The following HS6ST3 variants were observed in gnomAD, a reference collection of about 807,000 sequenced individuals.
The protein encoded by HS6ST3 is heparan-sulfate 6-O-sulfotransferase 3.
A neutral mutation model predicts 36.7 loss-of-function variants in HS6ST3; 12 were observed. The ratio of observed to expected loss-of-function variants is 0.33; its 90% CI spans 0.21 to 0.53. HS6ST3 has a LOEUF of 0.53. Among genes scored for constraint, HS6ST3 ranks in the 20% least tolerant of loss-of-function variants. HS6ST3 has a pLI of 0.95. For synonymous variants in HS6ST3, 240 were observed against 257.5 expected, an observed-to-expected ratio of 0.93 and a Z score of 0.65; for missense variants, 584 against 640.9, an observed-to-expected ratio of 0.91 and a Z score of 0.96.
chr13:96,498,281 A>G (rs1398433977), intron 1 of HS6ST3, among the ~76,000 whole-genome samples: 1 of 152,234 alleles, frequency 6.6e-6, no homozygotes, highest in Non-Finnish European at 1.5e-5. Context: ...AGGGAACTTC[A>G]GAAAACAACT....
intron 1 of HS6ST3, among the ~76,000 whole-genome samples, chr13:96,790,124 A>G (rs753537075): frequency 6.6e-6 from 1 of 151,900 alleles, no homozygotes; most frequent in Non-Finnish European, 1.5e-5. Context: ...CTTAGATTGC[A>G]TACTTATTAT....
At chr13:96,726,221 C>A (rs1328641031) in intron 1 of HS6ST3, among the ~76,000 whole-genome samples, 1 of 152,134 alleles carries the variant, frequency 6.6e-6, no homozygotes, top group African/African-American at 2.4e-5. Context: ...AGATCTATAG[C>A]ATTTCCATAT....
intron 1 of HS6ST3, among the ~76,000 whole-genome samples, chr13:96,162,499 G>A (rs747024816): frequency 1.3e-5 from 2 of 152,186 alleles, no homozygotes. Flanking sequence ...AAACATCCCT[G>A]TGGACATTTT....
chr13:96,825,926 A>G (rs1878636811), intron 1 of HS6ST3, among the ~76,000 whole-genome samples: 1 of 152,206 alleles, frequency 6.6e-6, no homozygotes, highest in Non-Finnish European at 1.5e-5. Context: ...CCTGTGCAGT[A>G]AGACTTGAGG....
chr13:96,528,775 C>G (rs992191461), intron 1 of HS6ST3, among the ~76,000 whole-genome samples: 2 of 152,168 alleles, frequency 1.3e-5, no homozygotes, highest in African/African-American at 2.4e-5. Flanking sequence ...ATATCCCTGA[C>G]TTTTCGAACA....
intron 1 of HS6ST3, among the ~76,000 whole-genome samples, chr13:96,335,175 G>A (rs1051552811): frequency 6.6e-6 from 1 of 152,128 alleles, no homozygotes; most frequent in Non-Finnish European, 1.5e-5. Context: ...GCCCATCAAA[G>A]TCCATCCCCA....
At chr13:96,196,984 T>G (rs1268054977) in intron 1 of HS6ST3, among the ~76,000 whole-genome samples, 2 of 152,234 alleles carry the variant, frequency 1.3e-5, no homozygotes, top group Admixed American at 1.3e-4. Context: ...TTTATATTTC[T>G]GGCTCTGCCA....
chr13:96,271,788 A>G (rs12869655), intron 1 of HS6ST3, among the ~76,000 whole-genome samples: 1 of 151,968 alleles, frequency 6.6e-6, no homozygotes. Context: ...TCTCCTTGCA[A>G]CTGCTGCCAG....
At chr13:96,497,903 C>T (rs1457109865) in intron 1 of HS6ST3, among the ~76,000 whole-genome samples, 2 of 152,078 alleles carry the variant, frequency 1.3e-5, no homozygotes, top group African/African-American at 4.8e-5. Flanking sequence ...AATCAAGGGA[C>T]AGAAAGCAGA....
chr13:96,831,972 A>AC (rs1878801894), intron 1 of HS6ST3, among the ~76,000 whole-genome samples: 1 of 148,156 alleles, frequency 6.7e-6, no homozygotes, highest in Non-Finnish European at 1.5e-5. Context: ...AAAAAAAAAA[A>AC]AAAAAAAACA....
chr13:96,200,254 A>G (rs549405109), intron 1 of HS6ST3, among the ~76,000 whole-genome samples: 12 of 152,136 alleles, frequency 7.9e-5, no homozygotes, highest in African/African-American at 2.6e-4. Context: ...GTAAAATCTC[A>G]TACCCTGCAA....
chr13:96,340,202 C>A (rs2055123207), intron 1 of HS6ST3, among the ~76,000 whole-genome samples: 1 of 152,184 alleles, frequency 6.6e-6, no homozygotes, highest in Non-Finnish European at 1.5e-5. Flanking sequence ...AACAACATGT[C>A]ACCCAGAGGT....
At chr13:96,590,073 T>C (rs2056376946) in intron 1 of HS6ST3, among the ~76,000 whole-genome samples, 1 of 152,154 alleles carries the variant, frequency 6.6e-6, no homozygotes, top group Non-Finnish European at 1.5e-5. Flanking sequence ...TTTTCTTTAC[T>C]CATTCATCTG....
chr13:96,207,686 G>A (rs2054377926), intron 1 of HS6ST3, among the ~76,000 whole-genome samples: 1 of 152,168 alleles, frequency 6.6e-6, no homozygotes, highest in Admixed American at 6.5e-5. Flanking sequence ...CAGGGACATG[G>A]ATGGAATTGG....
chr13:96,789,506 C>A (rs1168265587), intron 1 of HS6ST3, among the ~76,000 whole-genome samples: 3 of 151,896 alleles, frequency 2.0e-5, no homozygotes, highest in African/African-American at 7.2e-5. Context: ...TCTGCCATTT[C>A]TGTTGCTCTT....
At chr13:96,759,071 T>C (rs1265452462) in intron 1 of HS6ST3, among the ~76,000 whole-genome samples, 1 of 151,896 alleles carries the variant, frequency 6.6e-6, no homozygotes, top group Non-Finnish European at 1.5e-5. Context: ...TGACTCTATT[T>C]CTTGTCTTGG....
At chr13:96,443,495 A>C (rs1179420164) in intron 1 of HS6ST3, among the ~76,000 whole-genome samples, 1 of 140,852 alleles carries the variant, frequency 7.1e-6, no homozygotes, top group Non-Finnish European at 1.5e-5. Context: ...ACGCCACTGC[A>C]CTCCAGCCTG....
At chr13:96,773,354 G>A (rs929946281) in intron 1 of HS6ST3, among the ~76,000 whole-genome samples, 1 of 152,172 alleles carries the variant, frequency 6.6e-6, no homozygotes, top group African/African-American at 2.4e-5. Flanking sequence ...CTGAAGCCAG[G>A]GAGCCAAGTG....
chr13:96,644,347 C>T (rs528560033), intron 1 of HS6ST3, among the ~76,000 whole-genome samples: 13 of 152,078 alleles, frequency 8.5e-5, no homozygotes, highest in African/African-American at 3.1e-4. Context: ...GTTACTTCTC[C>T]CAGGAAAATG....
Sources: allele counts gnomAD v4.1 joint callset (sites outside exome capture counted in the v4.1 genomes callset), GRCh38; gene constraint gnomAD v4.1.1; transcripts MANE v1.5; gene names NCBI Gene and HGNC (gene_info 2026-07-23, HGNC 2026-07-21).